The following CSRNP3 variants were observed in gnomAD, a reference collection of about 807,000 sequenced individuals.
CSRNP3 encodes cysteine and serine rich nuclear protein 3.
Under a neutral mutation model 48.0 loss-of-function variants are expected in CSRNP3, and 12 were observed. The ratio of observed to expected loss-of-function variants is 0.25; its 90% CI spans 0.16 to 0.41. The LOEUF (loss-of-function observed/expected upper bound fraction) is 0.41, where lower values mean the gene tolerates loss of function less well. Ranked by LOEUF, CSRNP3 falls within the 10% of genes least tolerant of loss-of-function variation. The pLI, the probability that CSRNP3 is intolerant of heterozygous loss-of-function variation, is 1.00. For synonymous variants in CSRNP3, 263 were observed against 269.7 expected, an observed-to-expected ratio of 0.98 and a Z score of 0.24; for missense variants, 580 against 724.4, an observed-to-expected ratio of 0.80 and a Z score of 2.29.
At chr2:165,628,312 T>G (rs1364455557) in intron 4 of CSRNP3, among the ~76,000 whole-genome samples, 1 of 152,228 alleles carries the variant, frequency 6.6e-6, no homozygotes, top group Non-Finnish European at 1.5e-5. Flanking sequence ...CTTTTCTACT[T>G]CTTGTGTCTT....
In CSRNP3 at chr2:165,584,987, A is replaced by G. The variant is rs370446556; in HGVS notation, c.-23-10056A>G. Among the ~76,000 whole-genome samples, 12 of 152,326 alleles carry G rather than the reference A, an allele frequency of 7.9e-5. No individual in the cohort carries two copies. The East Asian group carries it at 1.9e-3, about 25-fold the overall frequency. ...GCTGTCCTGGGCCACATTACAGCCT[A>G]TGGATCACAGGTTGGACAAGCTTGG... On this transcript the variant is annotated intron_variant, in intron 3 of 6. Transcript: ENST00000651982.
At chr2:165,475,614 G>GC (rs1558910446) in intron 1 of CSRNP3, among the ~76,000 whole-genome samples, 1 of 152,112 alleles carries the variant, frequency 6.6e-6, no homozygotes, top group Non-Finnish European at 1.5e-5. Flanking sequence ...CACAGTATGT[G>GC]CCCCCAGATT....
chr2:165,542,366 T>G (rs1684969583), intron 3 of CSRNP3, among the ~76,000 whole-genome samples: 1 of 152,192 alleles, frequency 6.6e-6, no homozygotes, highest in African/African-American at 2.4e-5. Flanking sequence ...CACTGTTTAG[T>G]GCATACCTTG....
intron 1 of CSRNP3, among the ~76,000 whole-genome samples, chr2:165,482,559 C>G (rs549248368): frequency 6.6e-6 from 1 of 152,100 alleles, no homozygotes. Flanking sequence ...GCCACCATGC[C>G]CAGTCAACAG....
chr2:165,614,413 G>T (rs1017737189), intron 4 of CSRNP3, among the ~76,000 whole-genome samples: 1 of 152,088 alleles, frequency 6.6e-6, no homozygotes, highest in Non-Finnish European at 1.5e-5. Context: ...CAATTTGGAT[G>T]TCCTTTATTT....
intron 3 of CSRNP3, among the ~76,000 whole-genome samples, chr2:165,548,765 T>C (rs1685062272): frequency 6.6e-6 from 1 of 152,068 alleles, no homozygotes; most frequent in Non-Finnish European, 1.5e-5. Flanking sequence ...AAGTGACTTA[T>C]TTAATTCTGG....
At chr2:165,619,118 G>A (rs1686297203) in intron 4 of CSRNP3, among the ~76,000 whole-genome samples, 1 of 152,026 alleles carries the variant, frequency 6.6e-6, no homozygotes, top group Non-Finnish European at 1.5e-5. Context: ...TCTTATTATA[G>A]GAGAACTAAA....
At chr2:165,555,289 G>A (rs1387377881) in intron 3 of CSRNP3, among the ~76,000 whole-genome samples, 1 of 152,154 alleles carries the variant, frequency 6.6e-6, no homozygotes, top group Non-Finnish European at 1.5e-5. Context: ...AGCTCCTTGA[G>A]GGTAAGACTT....
At chr2:165,525,595 C>A (rs1399839111) in intron 3 of CSRNP3, among the ~76,000 whole-genome samples, 1 of 150,876 alleles carries the variant, frequency 6.6e-6, no homozygotes, top group African/African-American at 2.4e-5. Context: ...AAGTGATTCT[C>A]CTGCCTCAGC....
chr2:165,514,544 C>G (rs758364972), intron 2 of CSRNP3, among the ~76,000 whole-genome samples: 8 of 152,244 alleles, frequency 5.3e-5, no homozygotes, highest in African/African-American at 9.6e-5. Flanking sequence ...TGTTTTAACA[C>G]AGTCTTACAC....
intron 6 of CSRNP3, 137 bp from the exon 7 acceptor site, chr2:165,678,564 G>A: frequency 1.0e-6 from 1 of 995,692 alleles, no homozygotes. Context: ...TCTATTTGAA[G>A]TTTGGTTGTC....
chr2:165,573,784 C>T (rs1258357594), intron 3 of CSRNP3, among the ~76,000 whole-genome samples: 1 of 152,020 alleles, frequency 6.6e-6, no homozygotes, highest in African/African-American at 2.4e-5. Flanking sequence ...GCTGTTTAAA[C>T]CACAGCAACA....
intron 4 of CSRNP3, among the ~76,000 whole-genome samples, chr2:165,638,540 A>G (rs113539289): frequency 6.6e-6 from 1 of 152,040 alleles, no homozygotes; most frequent in African/African-American, 2.4e-5. Context: ...TTTATTTTAT[A>G]TTTTTTAAAA....
At chr2:165,645,819 C>T (rs572973619) in intron 4 of CSRNP3, among the ~76,000 whole-genome samples, 201 of 152,322 alleles carry the variant, frequency 1.3e-3, no homozygotes, top group Admixed American at 4.4e-3. Flanking sequence ...GATCTCTGCT[C>T]ACTGCAACCT....
intron 2 of CSRNP3, among the ~76,000 whole-genome samples, chr2:165,503,940 A>G (rs1684391351): frequency 6.6e-6 from 1 of 152,018 alleles, no homozygotes; most frequent in Admixed American, 6.6e-5. Context: ...CTTTCTAATT[A>G]ATAATGAATG....
rs1687673977 is a variant in CSRNP3, at chr2:165,688,947, A to C, written c.*9194A>C. 6.6e-6 allele frequency: 1 copy of C among 152,152 alleles called. No individual in the cohort carries two copies. The highest frequency in any genetic ancestry group is 6.6e-5 in the Admixed American group (1 of 15,248). The allele number at this position is 152,152 out of a possible 1,614,324, so 9.4% of individuals were successfully genotyped here. On this transcript the variant is annotated 3_prime_UTR_variant, in exon 7 of 7. Coordinates refer to ENST00000651982, the MANE Select transcript of CSRNP3 (RefSeq NM_001172173.2). ...AATAGATATTTATTAGTTATGTTCA[A>C]TCTAATGACTTAAAACAGTTGAAAA...
intron 3 of CSRNP3, among the ~76,000 whole-genome samples, chr2:165,529,279 C>T (rs1242243989): frequency 6.6e-6 from 1 of 152,270 alleles, no homozygotes; most frequent in Admixed American, 6.5e-5. Flanking sequence ...TGTGTCTCCA[C>T]CCAAATTTCA....
chr2:165,536,235 C>T (rs953537848), intron 3 of CSRNP3, among the ~76,000 whole-genome samples: 2 of 151,886 alleles, frequency 1.3e-5, no homozygotes, highest in Non-Finnish European at 2.9e-5. Context: ...GTTATTAGTT[C>T]AGTACTGGCA....
intron 3 of CSRNP3, among the ~76,000 whole-genome samples, chr2:165,531,109 T>G (rs565931423): frequency 3.3e-5 from 5 of 152,128 alleles, no homozygotes; most frequent in Non-Finnish European, 4.4e-5. Context: ...TAATTCCAGC[T>G]TAACACTTAA....
Sources: allele counts gnomAD v4.1 joint callset (sites outside exome capture counted in the v4.1 genomes callset), GRCh38; gene constraint gnomAD v4.1.1; transcripts MANE v1.5; gene names NCBI Gene and HGNC (gene_info 2026-07-23, HGNC 2026-07-21).